The following RPL28 variants were observed in gnomAD, a reference collection of about 807,000 sequenced individuals.
RPL28 encodes the protein ribosomal protein L28.
In RPL28, 4 loss-of-function variants were observed where a neutral mutation model predicts 12.5. That is an observed-to-expected ratio of 0.32 (90% CI 0.16 to 0.73). RPL28 has a LOEUF of 0.73. RPL28 is among the 30% of genes least tolerant of loss of function. RPL28 has a pLI of 0.66. For synonymous variants in RPL28, 91 were observed against 72.5 expected (o/e 1.26, Z -1.30); for missense variants, 214 against 197.7 (o/e 1.08, Z -0.49).
In RPL28 at chr19:55,389,325, C is replaced by T. The variant is rs2089966717; in HGVS notation, c.*993C>T. 1 of 975,868 alleles carries T rather than the reference C, an allele frequency of 1.0e-6. No individual in the cohort carries two copies. Among genetic ancestry groups the T allele is most frequent in the Non-Finnish European group, 1.2e-6 (1 of 825,174 alleles). The allele number at this position is 975,868 out of a possible 1,614,324, so 60.5% of individuals were successfully genotyped here. ...AGTGAGCCCATGAGCCCCACCACTACACTCCAGCCTGGAAGACACCATGAC... is the reference window on the plus strand; with the variant it reads ...AGTGAGCCCATGAGCCCCACCACTATACTCCAGCCTGGAAGACACCATGAC... On this transcript the variant is annotated 3_prime_UTR_variant, in exon 5 of 5. Coordinates refer to ENST00000344063, the MANE Select transcript of RPL28 (RefSeq NM_000991.5).
intron 4 of RPL28, chr19:55,401,018 G>A (rs528474283): frequency 9.0e-5 from 19 of 211,162 alleles, no homozygotes; most frequent in Admixed American, 4.2e-4. Context: ...ATAGGGCAGT[G>A]CCGCTCAGGC....
At position 55,391,624 on chromosome 19, in the gene RPL28, C is replaced by T; in HGVS notation, c.*3292C>T. 1.3e-6 allele frequency: 2 copies of T among 1,546,320 alleles called. No individual in the cohort carries two copies. The highest frequency in any genetic ancestry group is 2.4e-5 in the East Asian group (1 of 40,880). ...GTGCAACCTTGGGCAAGTTCCTCAA[C>T]CTCTCTGTGTCTTCGTACCCTCATC... On this transcript the variant is annotated 3_prime_UTR_variant, in exon 5 of 5. Transcript: ENST00000344063.
chr19:55,400,397 C>A (rs1347744506), intron 4 of RPL28: 2 of 152,122 alleles, frequency 1.3e-5, no homozygotes, highest in Non-Finnish European at 1.5e-5. Flanking sequence ...TTTCCCCACC[C>A]CCTGGTGTGC....
At chr19:55,401,128 C>A (rs902445329) in intron 4 of RPL28, 3 of 449,652 alleles carry the variant, frequency 6.7e-6, no homozygotes, top group Non-Finnish European at 1.2e-5. Flanking sequence ...AAGAGGTGGA[C>A]CCAAACCTCA....
downstream of RPL28, among the ~76,000 whole-genome samples, chr19:55,393,631 G>GT (rs890657595): frequency 0.14 from 15,945 of 114,530 alleles, 1,533 homozygotes; most frequent in African/African-American, 0.17. Flanking sequence ...TCACCAATTT[G>GT]TTTTTTTTTT....
intron 4 of RPL28, chr19:55,401,593 A>G: frequency 6.2e-7 from 1 of 1,608,502 alleles, no homozygotes. Flanking sequence ...GCCACTGGCC[A>G]GGGCCCGACC....
Position 55,386,198 on chromosome 19 carries a change from CAA to C in RPL28, c.-8-151_-8-150del, listed in dbSNP as rs936863163. On this transcript the variant is annotated intron_variant, in intron 1 of 4. Transcript: ENST00000344063. ...CCTTAGGTCACTCAGTCCCGCCTGA[CAA>C]GAGTTCTAGGTCGCTGTCTGCCCTC... 11 of 683,666 alleles carry C rather than the reference CAA, an allele frequency of 1.6e-5. No homozygotes were observed. In the African/African-American group the frequency reaches 1.6e-4, roughly 10 times the overall value. 42.3% of individuals were successfully genotyped at this position (683,666 alleles called of 1,614,324 possible).
At chr19:55,387,623 G>C in intron 3 of RPL28, 2 of 1,401,136 alleles carry the variant, frequency 1.4e-6, no homozygotes, top group Non-Finnish European at 1.8e-6. Flanking sequence ...AGGAGCGTGG[G>C]CTCTGGCTGG....
chr19:55,387,277 C>G (rs1020959632), intron 3 of RPL28: 4 of 1,551,504 alleles, frequency 2.6e-6, no homozygotes, highest in Non-Finnish European at 2.6e-6. Flanking sequence ...GCTGTATTTT[C>G]TTTTTAGAGT....
Position 55,391,524 on chromosome 19 carries a change from A to G in RPL28, c.*3192A>G, listed in dbSNP as rs1251927735. ...CTCCAGACTCCCCACAGCAGCAGAG[A>G]CTCGGGACTGAGGCATCCTCTGTTC... is the stretch of plus-strand genomic sequence containing the variant. On this transcript the variant is annotated 3_prime_UTR_variant, in exon 5 of 5. Transcript: ENST00000344063. The G allele has an allele frequency of 2.0e-6, 3 of 1,484,928 alleles. No homozygotes were observed. The highest frequency in any genetic ancestry group is 2.7e-6 in the Non-Finnish European group (3 of 1,103,884). 92.0% of individuals were successfully genotyped at this position (1,484,928 alleles called of 1,614,324 possible).
chr19:55,397,440 C>T (rs970242214), intron 4 of RPL28, among the ~76,000 whole-genome samples: 7 of 152,006 alleles, frequency 4.6e-5, no homozygotes, highest in African/African-American at 1.2e-4. Context: ...AGTGCAGTGG[C>T]GCGATCTCGG....
At chr19:55,395,142 ATTTATTTT>A (rs1290344632), downstream of RPL28, among the ~76,000 whole-genome samples, 2 of 151,218 alleles carry the variant, frequency 1.3e-5, no homozygotes, top group African/African-American at 4.9e-5. Context: ...TTATTTATTT[ATTTATTTT>A]TTTGAGACAG....
Position 55,388,500 on chromosome 19 carries a change from G to C in RPL28, c.*168G>C. 7.6e-7 allele frequency: 1 copy of C among 1,314,362 alleles called. No individual in the cohort carries two copies. Among genetic ancestry groups the C allele is most frequent in the Non-Finnish European group, 9.7e-7 (1 of 1,027,768 alleles). 81.4% of individuals were successfully genotyped at this position (1,314,362 alleles called of 1,614,324 possible). A position where few individuals can be genotyped will look rare whatever the true frequency, so the allele number is the denominator to read the frequency against. On this transcript the variant is annotated 3_prime_UTR_variant, in exon 5 of 5. Coordinates refer to ENST00000344063, the MANE Select transcript of RPL28 (RefSeq NM_000991.5). ...CCATCTGGAGGTGATGTCAATGGCTGGCCATGCAGGAGGGGTGGGGTAGCT... is the reference window on the plus strand; with the variant it reads ...CCATCTGGAGGTGATGTCAATGGCTCGCCATGCAGGAGGGGTGGGGTAGCT...
At position 55,388,703 on chromosome 19, in the gene RPL28, C is replaced by A. The variant is rs2089960543; in HGVS notation, c.*371C>A. On this transcript the variant is annotated 3_prime_UTR_variant, in exon 5 of 5. Transcript: ENST00000344063. ...AGAAGGGTGCAGGCTGAGGGCTGGGCCCTGGGCCCTGGTGCTGTAGCACGG... is the reference window on the plus strand; with the variant it reads ...AGAAGGGTGCAGGCTGAGGGCTGGGACCTGGGCCCTGGTGCTGTAGCACGG... 6 of 1,048,792 alleles carry A rather than the reference C, an allele frequency of 5.7e-6. No individual in the cohort carries two copies. The highest frequency in any genetic ancestry group is 6.9e-6 in the Non-Finnish European group (6 of 871,860). The allele number at this position is 1,048,792 out of a possible 1,614,324, so 65.0% of individuals were successfully genotyped here.
chr19:55,391,764 T>C lies in RPL28; in HGVS notation c.*3432T>C. ...ATTGTAGGAATAAATTAATGACTTTTTATAAATATTTTGATCAGATGGACT... is the reference window on the plus strand; with the variant it reads ...ATTGTAGGAATAAATTAATGACTTTCTATAAATATTTTGATCAGATGGACT... On this transcript the variant is annotated 3_prime_UTR_variant, in exon 5 of 5. Coordinates refer to ENST00000344063, the MANE Select transcript of RPL28 (RefSeq NM_000991.5). 6.8e-7 allele frequency: 1 copy of C among 1,470,232 alleles called. No homozygotes were observed. The highest frequency in any genetic ancestry group is 1.3e-5 in the South Asian group (1 of 78,460). 91.1% of individuals were successfully genotyped at this position (1,470,232 alleles called of 1,614,324 possible).
chr19:55,386,936 T>C, intron 3 of RPL28: 1 of 1,472,226 alleles, frequency 6.8e-7, no homozygotes, highest in Non-Finnish European at 9.0e-7. Flanking sequence ...ACTTCCTCGG[T>C]GGTTGTTGAG....
chr19:55,390,895 G>A lies in RPL28; in HGVS notation c.*2563G>A, dbSNP rs974908554. ...TAGACCTCATCTTGGAGAGAGAGAT[G>A]TTGGATGGGGCCATCTATTCCAGCT... is the stretch of plus-strand genomic sequence containing the variant. On this transcript the variant is annotated 3_prime_UTR_variant, in exon 5 of 5. Transcript: ENST00000344063. 3 of 969,604 alleles carry A rather than the reference G, an allele frequency of 3.1e-6. No homozygotes were observed. The highest frequency in any genetic ancestry group is 3.7e-6 in the Non-Finnish European group (3 of 820,686). The allele number at this position is 969,604 out of a possible 1,614,324, so 60.1% of individuals were successfully genotyped here.
exon 5 of RPL28, chr19:55,403,152 A>C: frequency 1.4e-6 from 1 of 724,448 alleles, no homozygotes; most frequent in Non-Finnish European, 2.5e-6. Context: ...TGGTCTCCTG[A>C]CAATGCATAA....
Position 55,388,515 on chromosome 19 carries a change from G to A in RPL28, c.*183G>A. 7.7e-7 allele frequency: 1 copy of A among 1,299,806 alleles called. No homozygotes were observed. The allele number at this position is 1,299,806 out of a possible 1,614,324, so 80.5% of individuals were successfully genotyped here. On this transcript the variant is annotated 3_prime_UTR_variant, in exon 5 of 5. Coordinates refer to ENST00000344063, the MANE Select transcript of RPL28 (RefSeq NM_000991.5). ...GTCAATGGCTGGCCATGCAGGAGGG[G>A]TGGGGTAGCTGCCTTGTCCCTGGTG... is the stretch of plus-strand genomic sequence containing the variant.
Sources: gnomAD v4.1 joint callset for allele counts (sites outside exome capture counted in the v4.1 genomes callset) on GRCh38, gnomAD v4.1.1 for gene constraint, MANE v1.5 for transcripts, NCBI Gene and HGNC (gene_info 2026-07-23, HGNC 2026-07-21) for gene names.